Variants in GLIS3 observed in about 807,000 individuals in gnomAD.
GLIS3 encodes the protein zinc finger protein GLIS3.
GLIS3 carries 53 observed loss-of-function variants against 78.6 expected under a neutral mutation model. The observed-to-expected ratio is 0.67, with a 90% confidence interval of 0.54 to 0.85. The LOEUF (loss-of-function observed/expected upper bound fraction) is 0.85. Among genes scored for constraint, GLIS3 ranks in the 40% least tolerant of loss-of-function variants. The pLI, the probability that GLIS3 is intolerant of heterozygous loss-of-function variation, is 0.00. For synonymous variants in GLIS3, 684 were observed against 509.9 expected, an observed-to-expected ratio of 1.34 and a Z score of -4.60; for missense variants, 1,703 against 1,231.1, an observed-to-expected ratio of 1.38 and a Z score of -5.74.
intron 4 of GLIS3, among the ~76,000 whole-genome samples, chr9:4,307,847 A>G (rs1426810086): frequency 6.6e-6 from 1 of 152,182 alleles, no homozygotes; most frequent in Non-Finnish European, 1.5e-5. Context: ...CCAGAAAGGC[A>G]CACAGCCCTG....
chr9:4,272,110 G>T (rs753288334), intron 2 of GLIS3, among the ~76,000 whole-genome samples: 37 of 152,148 alleles, frequency 2.4e-4, no homozygotes, highest in Non-Finnish European at 4.3e-4. Flanking sequence ...GGCTCAAAAA[G>T]TTAGCCATTA....
intron 4 of GLIS3, among the ~76,000 whole-genome samples, chr9:4,100,732 G>C (rs1011512842): frequency 1.3e-4 from 19 of 151,956 alleles, no homozygotes; most frequent in African/African-American, 4.6e-4. Context: ...TATTGAGGGG[G>C]GGACAAAGGA....
At chr9:4,114,947 T>C (rs1831519997) in intron 4 of GLIS3, among the ~76,000 whole-genome samples, 2 of 152,162 alleles carry the variant, frequency 1.3e-5, no homozygotes, top group Non-Finnish European at 1.5e-5. Flanking sequence ...ATGATGTGAA[T>C]CCCAGGGTTC....
the GLIS3 span, among the ~76,000 whole-genome samples, chr9:4,450,551 T>C: frequency 3.9e-5 from 6 of 152,098 alleles, no homozygotes; most frequent in Non-Finnish European, 5.9e-5. Flanking sequence ...AATTGTCAGA[T>C]TCACCAAGGT....
intron 2 of GLIS3, among the ~76,000 whole-genome samples, chr9:4,255,864 G>A (rs1157815418): frequency 1.3e-5 from 2 of 152,016 alleles, no homozygotes; most frequent in African/African-American, 2.4e-5. Flanking sequence ...TGGACTCTGG[G>A]TAATCATGAT....
At chr9:4,328,645 G>T (rs968763448) in intron 2 of GLIS3, among the ~76,000 whole-genome samples, 2 of 152,222 alleles carry the variant, frequency 1.3e-5, no homozygotes, top group Admixed American at 6.5e-5. Flanking sequence ...TCGTCCTGAA[G>T]CCAGAGAGCC....
chr9:4,403,797 G>A, the GLIS3 span, among the ~76,000 whole-genome samples: 1 of 151,828 alleles, frequency 6.6e-6, no homozygotes, highest in Non-Finnish European at 1.5e-5. Flanking sequence ...AAGACAGGAA[G>A]GAAGGAAAGA....
chr9:4,181,841 G>A (rs763218796), intron 2 of GLIS3, among the ~76,000 whole-genome samples: 18 of 152,274 alleles, frequency 1.2e-4, no homozygotes, highest in East Asian at 7.7e-4. Flanking sequence ...GACAGACCCC[G>A]TTCCAATTAT....
At chr9:4,268,302 A>C (rs952799212) in intron 2 of GLIS3, among the ~76,000 whole-genome samples, 2 of 152,202 alleles carry the variant, frequency 1.3e-5, no homozygotes, top group Non-Finnish European at 2.9e-5. Context: ...ATAATCTCTC[A>C]TTTAAAAAAT....
chr9:4,322,390 A>T (rs530031260), intron 2 of GLIS3, among the ~76,000 whole-genome samples: 1 of 152,120 alleles, frequency 6.6e-6, no homozygotes, highest in African/African-American at 2.4e-5. Flanking sequence ...TTGGGTATAT[A>T]CTCAAAGGAT....
chr9:4,044,539 T>C (rs1825091722), intron 4 of GLIS3, among the ~76,000 whole-genome samples: 1 of 152,164 alleles, frequency 6.6e-6, no homozygotes, highest in African/African-American at 2.4e-5. Context: ...AGGAATCCAA[T>C]GGGTCCATCT....
At chr9:4,298,554 A>G (rs1376195137) in intron 1 of GLIS3, 1 of 331,856 alleles carries the variant, frequency 3.0e-6, no homozygotes, top group Non-Finnish European at 6.1e-6. Context: ...CACGCTTTCC[A>G]GAGAGCGACC....
At chr9:4,217,677 T>G (rs576009850) in intron 2 of GLIS3, among the ~76,000 whole-genome samples, 38 of 152,318 alleles carry the variant, frequency 2.5e-4, no homozygotes, top group African/African-American at 8.4e-4. Context: ...GTGGTTTAAT[T>G]TACCTGTCAC....
chr9:4,179,835 G>A (rs549248907), intron 2 of GLIS3, among the ~76,000 whole-genome samples: 10 of 152,092 alleles, frequency 6.6e-5, no homozygotes, highest in African/African-American at 2.4e-4. Context: ...GCTGGAACCC[G>A]GGAGGCAGAG....
the GLIS3 span, among the ~76,000 whole-genome samples, chr9:4,461,095 C>A: frequency 6.6e-6 from 1 of 152,178 alleles, no homozygotes; most frequent in Non-Finnish European, 1.5e-5. Context: ...AGTCTCAGAG[C>A]ATGAATATGT....
the GLIS3 span, among the ~76,000 whole-genome samples, chr9:4,380,838 C>A: frequency 1.3e-5 from 2 of 152,078 alleles, no homozygotes; most frequent in African/African-American, 4.8e-5. Context: ...AAGAATAGAA[C>A]GAGAAGAGAA....
rs568253939 is a variant in GLIS3, at chr9:4,192,795, C to G, written c.389-66854G>C. On this transcript the variant is annotated intron_variant, in intron 2 of 10. Coordinates refer to ENST00000381971, the MANE Select transcript of GLIS3 (RefSeq NM_001042413.2). ...TAGTGAAGCAAATAAACCAACAATTCTAATACAATATTTAAAAAAAAAAAA... is the reference window on the plus strand; with the variant it reads ...TAGTGAAGCAAATAAACCAACAATTGTAATACAATATTTAAAAAAAAAAAA... Among the ~76,000 whole-genome samples, 135 of 127,102 alleles carry G rather than the reference C, an allele frequency of 1.1e-3. 1 individual carries two copies. The highest frequency in any genetic ancestry group is 3.8e-3 in the African/African-American group (132 of 35,048). 83.4% of individuals were successfully genotyped at this position (127,102 alleles called of 152,430 possible). A position where few individuals can be genotyped will look rare whatever the true frequency, so the allele number is the denominator to read the frequency against.
chr9:4,187,213 T>G (rs531709522), intron 2 of GLIS3, among the ~76,000 whole-genome samples: 1 of 152,258 alleles, frequency 6.6e-6, no homozygotes, highest in Non-Finnish European at 1.5e-5. Flanking sequence ...TTTCTACATA[T>G]GGCTGGCCAG....
At chr9:4,304,351 C>A (rs1284922081), upstream of GLIS3, among the ~76,000 whole-genome samples, 1 of 152,144 alleles carries the variant, frequency 6.6e-6, no homozygotes, top group African/African-American at 2.4e-5. Context: ...TTTCTGTACC[C>A]CTAGGCTTTT....
Sources: gnomAD v4.1 joint callset for allele counts (sites outside exome capture counted in the v4.1 genomes callset) on GRCh38, gnomAD v4.1.1 for gene constraint, MANE v1.5 for transcripts, NCBI Gene and HGNC (gene_info 2026-07-23, HGNC 2026-07-21) for gene names.